Variants in GLRA1 observed in about 807,000 individuals in gnomAD.
GLRA1 encodes the protein glycine receptor subunit alpha-1.
A neutral mutation model predicts 48.3 loss-of-function variants in GLRA1; 37 were observed. The ratio of observed to expected loss-of-function variants is 0.77; its 90% confidence interval spans 0.59 to 1.01. GLRA1 has a LOEUF of 1.01. GLRA1 is among the 50% of genes least tolerant of loss of function. GLRA1 has a pLI of 0.00. For missense variants in GLRA1, 427 were observed against 571.0 expected (o/e 0.75, Z 2.57); for synonymous variants, 196 against 210.7 (o/e 0.93, Z 0.60).
intron 7 of GLRA1, among the ~76,000 whole-genome samples, chr5:151,830,689 C>T (rs541628308): frequency 3.3e-4 from 51 of 152,288 alleles, no homozygotes; most frequent in African/African-American, 1.2e-3. Context: ...AGCTGACTAC[C>T]AACCTGAGCA....
chr5:151,876,943 C>G (rs994447506), intron 3 of GLRA1, among the ~76,000 whole-genome samples: 1 of 152,166 alleles, frequency 6.6e-6, no homozygotes, highest in African/African-American at 2.4e-5. Flanking sequence ...CTCTCTCTCT[C>G]TCTCTCTGTC....
intron 8 of GLRA1, among the ~76,000 whole-genome samples, chr5:151,828,577 C>T (rs532135820): frequency 6.6e-6 from 1 of 152,268 alleles, no homozygotes; most frequent in African/African-American, 2.4e-5. Flanking sequence ...ACAATGCAGT[C>T]TTGCAGAAAA....
At chr5:151,888,773 C>G (rs748842809) in intron 2 of GLRA1, among the ~76,000 whole-genome samples, 1 of 152,182 alleles carries the variant, frequency 6.6e-6, no homozygotes, top group Non-Finnish European at 1.5e-5. Context: ...GACCAGCTAC[C>G]CATTCAAGGC....
chr5:151,904,264 C>T (rs1053650487), intron 1 of GLRA1, among the ~76,000 whole-genome samples: 3 of 152,162 alleles, frequency 2.0e-5, no homozygotes, highest in Non-Finnish European at 4.4e-5. Context: ...CCTTCAAGAT[C>T]CTCCAGCAGG....
At position 151,833,716 on chromosome 5, in the gene GLRA1, G is replaced by T. The variant is rs145158456; in HGVS notation, c.913-4649C>A. 6.6e-3 allele frequency among the ~76,000 whole-genome samples: 971 copies of T among 147,048 alleles called. 11 individuals carry two copies. Among genetic ancestry groups the T allele is most frequent in the African/African-American group, 0.023 (906 of 39,662 alleles). On this transcript the variant is annotated intron_variant, in intron 7 of 8. Transcript: ENST00000274576. ...GACCTCAGGCTATCCACCTGCCTCG[G>T]CCTCCCAGCGTGCTGGGATTATAGG...
rs2113343967 is a variant in GLRA1, at chr5:151,851,752, C to T, written c.698-148G>A. 3.7e-5 allele frequency: 25 copies of T among 678,710 alleles called. 1 individual carries two copies. The South Asian group carries it at 3.8e-4, about 10-fold the overall frequency. 42.0% of individuals were successfully genotyped at this position (678,710 alleles called of 1,614,324 possible). A position where few individuals can be genotyped will look rare whatever the true frequency, so the allele number is the denominator to read the frequency against. ...ATTTGAATTGTTCTGTATCTGTTTC[C>T]TTATGTATAGTAAACTGGGGATAAT... On this transcript the variant is annotated intron_variant, in intron 6 of 8. Coordinates refer to ENST00000274576, the MANE Select transcript of GLRA1 (RefSeq NM_000171.4).
intron 1 of GLRA1, among the ~76,000 whole-genome samples, chr5:151,910,712 C>T (rs1260063878): frequency 1.3e-5 from 2 of 152,162 alleles, no homozygotes; most frequent in Non-Finnish European, 2.9e-5. Flanking sequence ...TGCCCATCTC[C>T]TATAATATAA....
intron 3 of GLRA1, among the ~76,000 whole-genome samples, chr5:151,867,819 G>C (rs1192583064): frequency 6.6e-6 from 1 of 152,158 alleles, no homozygotes; most frequent in African/African-American, 2.4e-5. Context: ...GAATTAATTT[G>C]ACTGTGGATA....
intron 6 of GLRA1, 126 bp from the exon 7 acceptor site, chr5:151,851,730 T>G: frequency 1.4e-6 from 1 of 709,352 alleles, no homozygotes; most frequent in Non-Finnish European, 2.6e-6. Flanking sequence ...GACAAGTATT[T>G]GAATTGTTCT....
chr5:151,849,806 G>T, intron 7 of GLRA1: 3 of 1,058,630 alleles, frequency 2.8e-6, no homozygotes, highest in Non-Finnish European at 3.7e-6. Context: ...CAACTGCCTT[G>T]GCCTCCCAGA....
intron 2 of GLRA1, among the ~76,000 whole-genome samples, chr5:151,890,625 G>T (rs1186972403): frequency 1.3e-5 from 2 of 152,220 alleles, no homozygotes; most frequent in Non-Finnish European, 2.9e-5. Flanking sequence ...GCTGAACAGG[G>T]TCTGCATTCC....
Position 151,859,804 on chromosome 5 carries a change from T to C in GLRA1, c.457A>G (p.Asn153Asp). 6.2e-7 allele frequency: 1 copy of C among 1,612,962 alleles called. No homozygotes were observed. Among genetic ancestry groups the C allele is most frequent in the African/African-American group, 1.3e-5 (1 of 74,996 alleles). Residue 153 changes from asparagine to aspartate, a missense_variant, in exon 4 of 9, where the codon AAT (asparagine) becomes GAT (aspartate). Physicochemically the swap from Asn to Asp is conservative, Grantham distance 23. This residue lies in a region of GLRA1 where 271 missense variants were observed against 434.9 expected (regional missense o/e 0.62). Coordinates refer to ENST00000274576, the MANE Select transcript of GLRA1 (RefSeq NM_000171.4). ...ACTCACCTGATGCTGTAGAGGACAT[T>C]CCCATTCCGGGAGATCCTTAGCAAT... ...NKLLRISRNGNVLYSIRITLT... is the reference protein window; with the variant it reads ...NKLLRISRNGDVLYSIRITLT...
chr5:151,853,412 A>ATTT (rs57264480), intron 6 of GLRA1, among the ~76,000 whole-genome samples: 135 of 140,944 alleles, frequency 9.6e-4, no homozygotes, highest in African/African-American at 1.6e-3. Flanking sequence ...TGCCCAACTA[A>ATTT]TTTTTTTTTT....
At chr5:151,833,785 G>A (rs946524355) in intron 7 of GLRA1, among the ~76,000 whole-genome samples, 2 of 93,786 alleles carry the variant, frequency 2.1e-5, no homozygotes, top group African/African-American at 8.6e-5. Flanking sequence ...ATTTACCAAG[G>A]AAGTGGAAAG....
rs527931998 is a variant in GLRA1, at chr5:151,874,314, G to A, written c.252+12407C>T. 2.5e-4 allele frequency among the ~76,000 whole-genome samples: 38 copies of A among 152,264 alleles called. No individual in the cohort carries two copies. In the South Asian group the frequency reaches 7.1e-3, roughly 28 times the overall value. On this transcript the variant is annotated intron_variant, in intron 3 of 8. Coordinates refer to ENST00000274576, the MANE Select transcript of GLRA1 (RefSeq NM_000171.4). ...ATTATGTTCACTATTTGGGTGACGGGTTCAATGGAAACCCAAATACCAACA... is the reference window on the plus strand; with the variant it reads ...ATTATGTTCACTATTTGGGTGACGGATTCAATGGAAACCCAAATACCAACA...
chr5:151,887,296 A>G (rs1753932530), intron 2 of GLRA1, among the ~76,000 whole-genome samples: 1 of 152,244 alleles, frequency 6.6e-6, no homozygotes, highest in African/African-American at 2.4e-5. Context: ...ACTTTGTTAA[A>G]TACTTTCTGA....
intron 8 of GLRA1, among the ~76,000 whole-genome samples, chr5:151,826,859 A>G (rs551532714): frequency 2.6e-5 from 4 of 152,224 alleles, no homozygotes; most frequent in South Asian, 2.1e-4. Flanking sequence ...GCAGTGCTCA[A>G]TCAAAGGGGC....
intron 3 of GLRA1, among the ~76,000 whole-genome samples, chr5:151,862,962 G>T (rs1357812419): frequency 6.6e-6 from 1 of 152,190 alleles, no homozygotes; most frequent in African/African-American, 2.4e-5. Flanking sequence ...CTGACTTCTA[G>T]CTGAGAGTTT....
chr5:151,906,865 G>A (rs1754484117), intron 1 of GLRA1, among the ~76,000 whole-genome samples: 1 of 152,168 alleles, frequency 6.6e-6, no homozygotes, highest in South Asian at 2.1e-4. Context: ...CCACTGACTT[G>A]TTCCAAGTGA....
Sources: gnomAD v4.1 joint callset for allele counts (sites outside exome capture counted in the v4.1 genomes callset) on GRCh38, gnomAD v4.1.1 for gene constraint, gnomAD v4.1.1 regional missense constraint, MANE v1.5 for transcripts, NCBI Gene and HGNC (gene_info 2026-07-23, HGNC 2026-07-21) for gene names.